Variants in ABCA13 observed in about 807,000 individuals in gnomAD.
The protein encoded by ABCA13 is ATP binding cassette subfamily A member 13, also known as ATP-binding cassette sub-family A member 13.
A neutral mutation model predicts 478.7 loss-of-function variants in ABCA13; 476 were observed. The ratio of observed to expected loss-of-function variants is 0.99; its 90% CI spans 0.92 to 1.07. ABCA13 has a LOEUF of 1.07. Among genes scored for constraint, ABCA13 ranks in the 50% least tolerant of loss-of-function variants. ABCA13 has a pLI of 0.00. For synonymous variants in ABCA13, 2,252 were observed against 2,158.9 expected (o/e 1.04, Z -1.20); for missense variants, 6,060 against 5,910.6 (o/e 1.03, Z -0.83).
chr7:48,311,755 G>T (rs1470929643), intron 24 of ABCA13, among the ~76,000 whole-genome samples: 2 of 152,148 alleles, frequency 1.3e-5, no homozygotes, highest in Admixed American at 1.3e-4. Context: ...ACAAGATATG[G>T]CTCAGGATGT....
chr7:48,477,701 G>C (rs902636045), intron 45 of ABCA13, among the ~76,000 whole-genome samples: 1 of 140,846 alleles, frequency 7.1e-6, no homozygotes, highest in East Asian at 2.1e-4. Flanking sequence ...GAGAACACAT[G>C]GACACAGGAA....
At chr7:48,345,233 A>G (rs1807885420) in intron 29 of ABCA13, among the ~76,000 whole-genome samples, 1 of 152,226 alleles carries the variant, frequency 6.6e-6, no homozygotes, top group Non-Finnish European at 1.5e-5. Context: ...ATACTTGATC[A>G]TCGTAATAAA....
At chr7:48,498,917 A>G (rs1242316997) in intron 48 of ABCA13, among the ~76,000 whole-genome samples, 2 of 152,228 alleles carry the variant, frequency 1.3e-5, no homozygotes, top group Admixed American at 6.5e-5. Flanking sequence ...TGAAAAATTA[A>G]TGGAAGATCA....
intron 44 of ABCA13, among the ~76,000 whole-genome samples, chr7:48,468,599 A>T (rs1233805558): frequency 6.6e-6 from 1 of 152,232 alleles, no homozygotes; most frequent in Non-Finnish European, 1.5e-5. Context: ...CTCAAATCAG[A>T]GCAAAAAGTT....
At chr7:48,499,746 C>T (rs910764626) in intron 48 of ABCA13, among the ~76,000 whole-genome samples, 4 of 152,122 alleles carry the variant, frequency 2.6e-5, no homozygotes, top group Non-Finnish European at 5.9e-5. Context: ...GAAGTAATGT[C>T]GTAAAGACTT....
At chr7:48,419,530 A>G (rs568568268) in intron 41 of ABCA13, among the ~76,000 whole-genome samples, 5 of 149,560 alleles carry the variant, frequency 3.3e-5, no homozygotes, top group African/African-American at 1.2e-4. Context: ...TTCTGAAAAG[A>G]GTAATTCTTC....
chr7:48,585,642 C>T (rs918533807), intron 56 of ABCA13, among the ~76,000 whole-genome samples: 2 of 151,964 alleles, frequency 1.3e-5, no homozygotes, highest in African/African-American at 4.8e-5. Flanking sequence ...ATGTACTTGT[C>T]AAAAAGAGTA....
At chr7:48,322,371 C>A in intron 27 of ABCA13, among the ~76,000 whole-genome samples, 1 of 152,306 alleles carries the variant, frequency 6.6e-6, no homozygotes, top group African/African-American at 2.4e-5. Context: ...CCCACACATA[C>A]CTGGAATTTA....
intron 27 of ABCA13, among the ~76,000 whole-genome samples, chr7:48,324,710 T>C (rs1275919285): frequency 6.6e-6 from 1 of 152,138 alleles, no homozygotes; most frequent in Non-Finnish European, 1.5e-5. Flanking sequence ...TTGCAGGTCA[T>C]CTCTCAGCAG....
chr7:48,595,055 C>CAAATATCATCTT (rs1790145950), intron 58 of ABCA13, among the ~76,000 whole-genome samples: 1 of 152,188 alleles, frequency 6.6e-6, no homozygotes, highest in African/African-American at 2.4e-5. Context: ...ACCTAGTGTT[C>CAAATATCATCTT]TGTGTCCAAA....
chr7:48,262,820 C>T (rs190001317), intron 15 of ABCA13, among the ~76,000 whole-genome samples: 2 of 152,002 alleles, frequency 1.3e-5, no homozygotes, highest in Admixed American at 6.6e-5. Context: ...TGGAATTTGA[C>T]AGCTAGCAAC....
intron 52 of ABCA13, 93 bp from the exon 53 acceptor site, chr7:48,519,946 CAG>C (rs879587027): frequency 7.7e-6 from 10 of 1,291,998 alleles, no homozygotes; most frequent in Non-Finnish European, 1.0e-5. Flanking sequence ...ACCTGGAACA[CAG>C]AGCTAACCAA....
At chr7:48,385,731 A>G (rs1314920948) in intron 35 of ABCA13, among the ~76,000 whole-genome samples, 1 of 152,164 alleles carries the variant, frequency 6.6e-6, no homozygotes, top group African/African-American at 2.4e-5. Context: ...TTGAGGAACC[A>G]CCACCTGTCT....
chr7:48,439,958 C>T (rs1823358741), intron 42 of ABCA13, among the ~76,000 whole-genome samples: 1 of 152,128 alleles, frequency 6.6e-6, no homozygotes, highest in South Asian at 2.1e-4. Flanking sequence ...AGACTTCTTC[C>T]TACCAAAACA....
At chr7:48,174,553 A>AGG (rs1562699340) in intron 1 of ABCA13, among the ~76,000 whole-genome samples, 1 of 152,164 alleles carries the variant, frequency 6.6e-6, no homozygotes, top group Non-Finnish European at 1.5e-5. Flanking sequence ...AACTCTATAG[A>AGG]TTGTTAAAAT....
chr7:48,626,419 T>A (rs1185382723), intron 59 of ABCA13, among the ~76,000 whole-genome samples: 1 of 152,088 alleles, frequency 6.6e-6, no homozygotes, highest in East Asian at 1.9e-4. Context: ...TGAAATAGCT[T>A]GATGGCAAGT....
chr7:48,294,433 T>TTA (rs1670715779), intron 20 of ABCA13, among the ~76,000 whole-genome samples: 1 of 98,894 alleles, frequency 1.0e-5, no homozygotes, highest in African/African-American at 3.5e-5. Flanking sequence ...GGGTTTTTTT[T>TTA]TTTTTTTTGT....
chr7:48,337,149 A>G lies in ABCA13; in HGVS notation c.10114-1216A>G, dbSNP rs79906676. Among the ~76,000 whole-genome samples, 595 of 152,274 alleles carry G rather than the reference A, an allele frequency of 3.9e-3. 5 individuals are homozygous for G. Among genetic ancestry groups the G allele is most frequent in the African/African-American group, 0.013 (549 of 41,548 alleles). The stretch of plus-strand genomic sequence containing the variant: ...ATTTCTTAGCTTTGGGATCATGCTC[A>G]AGGGAACTCGCAGTACCTTGGGTTT... On this transcript the variant is annotated intron_variant, in intron 28 of 61. Transcript: ENST00000435803.
chr7:48,393,514 A>T (rs531639398), intron 38 of ABCA13, among the ~76,000 whole-genome samples: 152 of 152,366 alleles, frequency 1.0e-3, no homozygotes, highest in Non-Finnish European at 1.9e-3. Context: ...CTTACAGAAT[A>T]TTGTTATTTT....
Sources: allele counts gnomAD v4.1 joint callset (sites outside exome capture counted in the v4.1 genomes callset), GRCh38; gene constraint gnomAD v4.1.1; transcripts MANE v1.5; gene names NCBI Gene and HGNC (gene_info 2026-07-23, HGNC 2026-07-21).